The following SANBR variants were observed in gnomAD, a reference collection of about 807,000 sequenced individuals.
SANBR encodes the protein SANT and BTB domain regulator of CSR, also known as SANT and BTB domain regulator of class switch recombination.
In SANBR, 77 loss-of-function variants were observed where a neutral mutation model predicts 101.8. The observed-to-expected ratio is 0.76, with a 90% CI of 0.63 to 0.91. The LOEUF is 0.91. Among genes scored for constraint, SANBR ranks in the 40% least tolerant of loss-of-function variants. The pLI, the probability that SANBR is intolerant of heterozygous loss-of-function variation, is 0.00. For missense variants in SANBR, 875 were observed against 853.0 expected (o/e 1.03, Z -0.32); for synonymous variants, 279 against 274.7 (o/e 1.02, Z -0.15).
chr2:61,128,010 C>T (rs973567363), downstream of SANBR, among the ~76,000 whole-genome samples: 4 of 151,806 alleles, frequency 2.6e-5, no homozygotes, highest in East Asian at 1.9e-4. Flanking sequence ...CAGTGGCTCA[C>T]GCCTGTAATC....
chr2:61,134,278 T>A lies in SANBR; in HGVS notation c.*44+2T>A. 1.3e-6 allele frequency: 2 copies of A among 1,551,276 alleles called. No individual in the cohort carries two copies. Among genetic ancestry groups the A allele is most frequent in the Non-Finnish European group, 1.7e-6 (2 of 1,143,898 alleles). On this transcript the variant is annotated splice_donor_variant, in intron 21 of 21. Coordinates refer to the SANBR transcript ENST00000295031. LOFTEE classifies it low-confidence loss of function (3UTR_SPLICE). ...ACTTGGAATACTGCTTGACATATCGTAAGTGCTCAAAAATGTTAGCTATTA... is the reference window on the plus strand; with the variant it reads ...ACTTGGAATACTGCTTGACATATCGAAAGTGCTCAAAAATGTTAGCTATTA...
intron 1 of SANBR, among the ~76,000 whole-genome samples, chr2:61,067,298 G>A (rs1433086760): frequency 6.6e-6 from 1 of 152,186 alleles, no homozygotes; most frequent in African/African-American, 2.4e-5. Flanking sequence ...CATTTGAAAT[G>A]TAAGCTTTTA....
chr2:61,093,547 A>ATTGCG (rs1159716540), intron 11 of SANBR, among the ~76,000 whole-genome samples: 4 of 152,112 alleles, frequency 2.6e-5, no homozygotes, highest in African/African-American at 7.2e-5. Flanking sequence ...GTGAGCTGAG[A>ATTGCG]TTGCGCCATT....
chr2:61,118,485 C>A (rs1684184310), intron 20 of SANBR, among the ~76,000 whole-genome samples: 1 of 151,432 alleles, frequency 6.6e-6, no homozygotes, highest in Non-Finnish European at 1.5e-5. Context: ...AGGTGATCCA[C>A]CCACTTTGGC....
At chr2:61,136,091 G>A (rs945559597) in intron 21 of SANBR, among the ~76,000 whole-genome samples, 1 of 152,080 alleles carries the variant, frequency 6.6e-6, no homozygotes, top group Non-Finnish European at 1.5e-5. Flanking sequence ...GATCACCTGA[G>A]GTCAGGAGTT....
In SANBR at chr2:61,077,144, A is replaced by G. The variant is rs770938843; in HGVS notation, c.656A>G (p.Glu219Gly). Reference sequence around the variant, plus strand: ...AACACTAAGGAGAATAAAGATTGTGAGATGCCCACTTTAGGTAAAAAACAA... The same window carrying G: ...AACACTAAGGAGAATAAAGATTGTGGGATGCCCACTTTAGGTAAAAAACAA... The part of the protein sequence containing the change: ...KRNTKENKDC[E>G]MPTLEPGNVI... The change falls in exon 6 of 22, where the codon GAG becomes GGG. Residue 219 changes from glutamate (E) to glycine (G), a missense_variant. Transcript: ENST00000402291. 5 of 1,599,926 alleles carry G rather than the reference A, an allele frequency of 3.1e-6. No individual in the cohort carries two copies. The East Asian group carries it at 1.1e-4, about 36-fold the overall frequency.
At chr2:61,075,727 A>G (rs532844628) in intron 5 of SANBR, among the ~76,000 whole-genome samples, 2 of 151,896 alleles carry the variant, frequency 1.3e-5, no homozygotes, top group South Asian at 4.1e-4. Context: ...TAATATATTT[A>G]TATTTTATGT....
exon 22 of SANBR, chr2:61,137,813 C>A (rs1684895019): frequency 1.3e-5 from 2 of 152,088 alleles, no homozygotes; most frequent in African/African-American, 4.8e-5. Context: ...CTTATTATGC[C>A]CATGCATGTT....
chr2:61,077,616 A>G (rs755759155), intron 6 of SANBR, among the ~76,000 whole-genome samples: 1 of 152,112 alleles, frequency 6.6e-6, no homozygotes, highest in Non-Finnish European at 1.5e-5. Flanking sequence ...AAAAAAATCT[A>G]GTTTCACTTA....
At position 61,070,383 on chromosome 2, in the gene SANBR, C is replaced by A. The variant is rs1681397385; in HGVS notation, c.33C>A (p.Phe11Leu). ...GTGGATATTCAGAAAACAACAATTT[C>A]CTGAACAATAATAACCAAATGGTAT... is the stretch of plus-strand genomic sequence containing the variant. MSRGYSENNN[F>L]LNNNNQMVLD... The change falls in exon 3 of 22, where the codon TTC (phenylalanine) becomes TTA (leucine). Residue 11 changes from phenylalanine to leucine, a missense_variant. Physicochemically the swap from Phe to Leu is conservative, Grantham distance 22. Transcript: ENST00000402291. The A allele has an allele frequency of 6.3e-7, 1 of 1,591,998 alleles. No homozygotes were observed. The highest frequency in any genetic ancestry group is 1.2e-5 in the South Asian group (1 of 86,422).
chr2:61,128,362 A>G (rs1014919839), downstream of SANBR, among the ~76,000 whole-genome samples: 1 of 151,780 alleles, frequency 6.6e-6, no homozygotes, highest in Non-Finnish European at 1.5e-5. Flanking sequence ...AACAGAAGGC[A>G]GTGGATAACA....
intron 6 of SANBR, among the ~76,000 whole-genome samples, chr2:61,080,535 A>G (rs186698283): frequency 6.6e-6 from 1 of 152,170 alleles, no homozygotes; most frequent in Non-Finnish European, 1.5e-5. Flanking sequence ...ATCCTGGCCA[A>G]CATGGTGAAA....
chr2:61,119,352 C>T (rs1473792680), intron 20 of SANBR, among the ~76,000 whole-genome samples: 3 of 152,122 alleles, frequency 2.0e-5, no homozygotes, highest in Non-Finnish European at 2.9e-5. Context: ...ACACCAAAAG[C>T]ATGATCCATA....
At position 61,097,820 on chromosome 2, in the gene SANBR, G is replaced by T. The variant is rs1559112012; in HGVS notation, c.1333G>T (p.Val445Phe). The T allele has an allele frequency of 6.2e-7, 1 of 1,613,020 alleles. No individual in the cohort carries two copies. The highest frequency in any genetic ancestry group is 2.2e-5 in the East Asian group (1 of 44,794). The change falls in exon 12 of 22, where the codon GTT becomes TTT. Residue 445 changes from valine to phenylalanine, a missense_variant. Physicochemically the swap from Val to Phe is conservative, Grantham distance 50. Coordinates refer to ENST00000402291, the MANE Select transcript of SANBR (RefSeq NM_001129993.3). ...TGIYPCCNQK[V>F]LRFDPTQLTK... The stretch of plus-strand genomic sequence containing the variant: ...AATTTATCCCTGCTGTAACCAAAAG[G>T]TTCTTCGGTTTGATCCTACTCAGCT...
chr2:61,117,505 C>T lies in SANBR; in HGVS notation c.1904C>T (p.Ser635Phe). 6.2e-7 allele frequency: 1 copy of T among 1,613,790 alleles called. No individual in the cohort carries two copies. Among genetic ancestry groups the T allele is most frequent in the Non-Finnish European group, 8.5e-7 (1 of 1,179,878 alleles). ...MQKNKWDATR[S>F]LRFNQDAQRE... The stretch of plus-strand genomic sequence containing the variant: ...AAGAATAAGTGGGATGCCACAAGAT[C>T]CTTGAGATTCAACCAGGATGCACAA... Residue 635 changes from serine to phenylalanine, a missense_variant, in exon 19 of 22, where the codon TCC (serine) becomes TTC (phenylalanine). Coordinates refer to ENST00000402291, the MANE Select transcript of SANBR (RefSeq NM_001129993.3).
At position 61,100,628 on chromosome 2, in the gene SANBR, T is replaced by C. The variant is rs1683238465; in HGVS notation, c.1365+2776T>C. Among the ~76,000 whole-genome samples the C allele has an allele frequency of 3.3e-5, 5 of 152,352 alleles. No homozygotes were observed. The South Asian group carries it at 8.3e-4, about 25-fold the overall frequency. On this transcript the variant is annotated intron_variant, in intron 12 of 21. Coordinates refer to ENST00000402291, the MANE Select transcript of SANBR (RefSeq NM_001129993.3). ...TAAAATTCTGTTTTTGTCATTTAGA[T>C]GATAACTTAATTCCAATCCAATGCT...
intron 13 of SANBR, among the ~76,000 whole-genome samples, chr2:61,105,216 A>T (rs1307105653): frequency 6.6e-6 from 1 of 152,116 alleles, no homozygotes; most frequent in Non-Finnish European, 1.5e-5. Context: ...CCCCGTCTGT[A>T]CTAACCAGGC....
At chr2:61,095,656 C>T (rs1221532797) in intron 11 of SANBR, among the ~76,000 whole-genome samples, 2 of 152,116 alleles carry the variant, frequency 1.3e-5, no homozygotes, top group African/African-American at 4.8e-5. Flanking sequence ...AGTCCCTCTC[C>T]TCCCCGACAG....
rs1468721330 is a variant in SANBR at position 61,123,207 on chromosome 2, AG to A, written c.*1047del. On this transcript the variant is annotated 3_prime_UTR_variant, in exon 22 of 22. Transcript: ENST00000402291. The stretch of plus-strand genomic sequence containing the variant: ...AATTATGTGTTTGTAAATTATATGT[AG>A]GTCTCTGAAAAACTTTAAGATGCAC... 2 of 974,722 alleles carry A rather than the reference AG, an allele frequency of 2.1e-6. No homozygotes were observed. The highest frequency in any genetic ancestry group is 2.4e-6 in the Non-Finnish European group (2 of 820,130). The allele number at this position is 974,722 out of a possible 1,614,324, so 60.4% of individuals were successfully genotyped here. A position where few individuals can be genotyped will look rare whatever the true frequency, so the allele number is the denominator to read the frequency against.
Sources: gnomAD v4.1 joint callset for allele counts (sites outside exome capture counted in the v4.1 genomes callset) on GRCh38, gnomAD v4.1.1 for gene constraint, MANE v1.5 for transcripts, NCBI Gene and HGNC (gene_info 2026-07-23, HGNC 2026-07-21) for gene names.